The following DNAH6 variants were observed in gnomAD, a reference collection of about 807,000 sequenced individuals.
DNAH6 encodes dynein axonemal heavy chain 6.
DNAH6 carries 340 observed loss-of-function variants against 491.4 expected under a neutral mutation model. The observed-to-expected ratio is 0.69, with a 90% CI of 0.63 to 0.76. The LOEUF (loss-of-function observed/expected upper bound fraction) is 0.76. DNAH6 is among the 30% of genes least tolerant of loss of function. The probability of loss-of-function intolerance (pLI) is 0.00; values close to 1 mark genes in which losing one functional copy is unlikely to be tolerated. For synonymous variants in DNAH6, 1,603 were observed against 1,686.1 expected (o/e 0.95, Z 1.21); for missense variants, 4,443 against 4,972.2 (o/e 0.89, Z 3.20).
At chr2:84,604,171 T>G (rs755651576) in intron 18 of DNAH6, among the ~76,000 whole-genome samples, 168 bp from the exon 19 acceptor site, 3 of 152,232 alleles carry the variant, frequency 2.0e-5, no homozygotes, top group Non-Finnish European at 2.9e-5. Flanking sequence ...GGTTTTCTAA[T>G]AGGCTCAATT....
intron 18 of DNAH6, among the ~76,000 whole-genome samples, chr2:84,603,426 C>G (rs537003981): frequency 2.0e-4 from 30 of 152,236 alleles, no homozygotes; most frequent in Admixed American, 2.6e-4. Context: ...CTATTTTCCT[C>G]TGACCTTGGG....
chr2:84,628,443 C>A (rs1444503391), intron 29 of DNAH6, among the ~76,000 whole-genome samples: 2 of 152,168 alleles, frequency 1.3e-5, no homozygotes, highest in Admixed American at 1.3e-4. Context: ...GGTTACACTA[C>A]AGATCCTTGG....
intron 72 of DNAH6, among the ~76,000 whole-genome samples, chr2:84,810,803 T>C (rs1186516003): frequency 6.6e-6 from 1 of 152,156 alleles, no homozygotes; most frequent in African/African-American, 2.4e-5. Context: ...CTTCGAGCCA[T>C]AGGAGAAGGA....
chr2:84,497,403 T>C, the DNAH6 span, among the ~76,000 whole-genome samples: 3 of 152,224 alleles, frequency 2.0e-5, no homozygotes, highest in East Asian at 5.8e-4. Flanking sequence ...ATAAAGCTGC[T>C]ATGAAAATTC....
At chr2:84,759,359 A>G (rs958359666) in intron 63 of DNAH6, among the ~76,000 whole-genome samples, 2 of 152,032 alleles carry the variant, frequency 1.3e-5, no homozygotes, top group African/African-American at 2.4e-5. Context: ...AATACAAAAA[A>G]TTAGCCAGAT....
In DNAH6 at chr2:84,815,845, TG is replaced by T. The variant is rs1421429554; in HGVS notation, c.12151-15del. On this transcript the variant is annotated splice_polypyrimidine_tract_variant and intron_variant, in intron 75 of 76. Transcript: ENST00000389394. ...TTTTCCCCCATCTCACTTTGAGACT[TG>T]TGGGTATCTTTCAGTTGCCCTCTCC... 1.3e-6 allele frequency: 2 copies of T among 1,538,246 alleles called. No individual in the cohort carries two copies. The highest frequency in any genetic ancestry group is 1.8e-6 in the Non-Finnish European group (2 of 1,136,298).
At chr2:84,807,806 C>G (rs1353870255) in intron 71 of DNAH6, among the ~76,000 whole-genome samples, 1 of 152,150 alleles carries the variant, frequency 6.6e-6, no homozygotes, top group African/African-American at 2.4e-5. Flanking sequence ...CCTTTCAAAC[C>G]CCTCATCAAA....
upstream of DNAH6, among the ~76,000 whole-genome samples, chr2:84,516,114 T>G (rs1675570901): frequency 6.6e-6 from 1 of 152,226 alleles, no homozygotes; most frequent in African/African-American, 2.4e-5. Flanking sequence ...CTCGACTCTT[T>G]CGGATAAATT....
intron 70 of DNAH6, among the ~76,000 whole-genome samples, chr2:84,798,760 T>C (rs919059724): frequency 2.0e-5 from 3 of 152,268 alleles, no homozygotes; most frequent in Non-Finnish European, 2.9e-5. Context: ...GAGTGTTTTA[T>C]TGGCAGCCCA....
rs143183833 is a variant in DNAH6 at position 84,692,295 on chromosome 2, A to G, written c.7293-1954A>G. ...GCTTACATGTGGGAAATAGTTAGCA[A>G]TGGTTTTCTCTCATGAGTTACAGTG... On this transcript the variant is annotated intron_variant, in intron 45 of 76. Coordinates refer to ENST00000389394, the MANE Select transcript of DNAH6 (RefSeq NM_001370.2). Among the ~76,000 whole-genome samples, 307 of 152,350 alleles carry G rather than the reference A, an allele frequency of 2.0e-3. 1 individual carries two copies. Among genetic ancestry groups the G allele is most frequent in the African/African-American group, 7.2e-3 (300 of 41,582 alleles).
intron 63 of DNAH6, among the ~76,000 whole-genome samples, chr2:84,749,853 A>G (rs1431526764): frequency 6.6e-6 from 1 of 152,246 alleles, no homozygotes; most frequent in African/African-American, 2.4e-5. Context: ...TTTGCAAGTC[A>G]TACAATCTGA....
At chr2:84,555,265 A>G (rs1679901307) in intron 10 of DNAH6, among the ~76,000 whole-genome samples, 3 of 152,170 alleles carry the variant, frequency 2.0e-5, no homozygotes, top group Non-Finnish European at 4.4e-5. Flanking sequence ...GATTCAATAT[A>G]TACTTTTGAA....
Position 84,732,520 on chromosome 2 carries a change from C to A in DNAH6, c.10207-924C>A, listed in dbSNP as rs1211653868. On this transcript the variant is annotated intron_variant, in intron 61 of 76. Transcript: ENST00000389394. ...CTTGAAAACACTAAGCTAAGACGTC[C>A]GTCACAAAAGCCCACATATTATATA... 2.6e-5 allele frequency among the ~76,000 whole-genome samples: 4 copies of A among 152,068 alleles called. No individual in the cohort carries two copies. In the East Asian group the frequency reaches 7.7e-4, roughly 29 times the overall value.
intron 60 of DNAH6, among the ~76,000 whole-genome samples, 189 bp downstream of exon 60, chr2:84,722,993 C>A (rs1390453931): frequency 6.6e-6 from 1 of 152,036 alleles, no homozygotes; most frequent in East Asian, 1.9e-4. Flanking sequence ...TTTGGGAGGC[C>A]GAGGTGGGTG....
rs151317667 is a variant in DNAH6 at position 84,811,965 on chromosome 2, A to G, written c.11740-376A>G. ...TAGCATGAGGTGGTTCTCACTCCCCATCTCCCCCTCCTCCTCACACTCTGT... is the reference window on the plus strand; with the variant it reads ...TAGCATGAGGTGGTTCTCACTCCCCGTCTCCCCCTCCTCCTCACACTCTGT... On this transcript the variant is annotated intron_variant, in intron 72 of 76. Transcript: ENST00000389394. Among the ~76,000 whole-genome samples, 186 of 151,642 alleles carry G rather than the reference A, an allele frequency of 1.2e-3. 1 individual carries two copies. The highest frequency in any genetic ancestry group is 9.7e-4 in the Non-Finnish European group (66 of 67,926).
intron 57 of DNAH6, 31 bp from the exon 58 acceptor site, chr2:84,715,529 C>A: frequency 1.3e-6 from 2 of 1,545,392 alleles, no homozygotes; most frequent in Non-Finnish European, 1.8e-6. Flanking sequence ...TGCACTTAAG[C>A]ATTTTTATGC....
chr2:84,791,688 A>T (rs1044639305), intron 68 of DNAH6, among the ~76,000 whole-genome samples: 8 of 150,170 alleles, frequency 5.3e-5, no homozygotes, highest in Non-Finnish European at 1.0e-4. Context: ...ACATATTTTC[A>T]ATATATATTC....
In DNAH6 at chr2:84,603,954, C is replaced by T. The variant is rs147720535; in HGVS notation, c.2869-385C>T. On this transcript the variant is annotated intron_variant, in intron 18 of 76. Coordinates refer to ENST00000389394, the MANE Select transcript of DNAH6 (RefSeq NM_001370.2). ...TCAATTTCCACTGTATTTGTAGGCTCAGAGGTTTTCCATTCTCATTCTACC... is the reference window on the plus strand; with the variant it reads ...TCAATTTCCACTGTATTTGTAGGCTTAGAGGTTTTCCATTCTCATTCTACC... 2.1e-3 allele frequency among the ~76,000 whole-genome samples: 325 copies of T among 152,284 alleles called. 1 individual carries two copies. Among genetic ancestry groups the T allele is most frequent in the African/African-American group, 7.6e-3 (316 of 41,558 alleles).
intron 62 of DNAH6, among the ~76,000 whole-genome samples, chr2:84,737,462 A>C (rs1317456975): frequency 6.6e-6 from 1 of 151,202 alleles, no homozygotes; most frequent in Non-Finnish European, 1.5e-5. Flanking sequence ...TTTTTCCGTT[A>C]GTTGGTTGGT....
Sources: allele counts gnomAD v4.1 joint callset (sites outside exome capture counted in the v4.1 genomes callset), GRCh38; gene constraint gnomAD v4.1.1; transcripts MANE v1.5; gene names NCBI Gene and HGNC (gene_info 2026-07-23, HGNC 2026-07-21).